The following RHBDD1 variants were observed in gnomAD, a reference collection of about 807,000 sequenced individuals.
RHBDD1 encodes rhomboid-related protein 4.
RHBDD1 carries 38 observed loss-of-function variants against 36.3 expected under a neutral mutation model. That is an observed-to-expected ratio of 1.05 (90% CI 0.81 to 1.37). The LOEUF is 1.37. Ranked by LOEUF, RHBDD1 falls within the 40% of genes most tolerant of loss-of-function variation. The probability of loss-of-function intolerance (pLI) is 0.00; values close to 1 mark genes in which losing one functional copy is unlikely to be tolerated. For synonymous variants in RHBDD1, 151 were observed against 136.5 expected (o/e 1.11, Z -0.74); for missense variants, 393 against 377.6 (o/e 1.04, Z -0.34).
chr2:226,976,302 G>GA (rs1362142159), intron 8 of RHBDD1, among the ~76,000 whole-genome samples: 1 of 147,796 alleles, frequency 6.8e-6, no homozygotes, highest in Admixed American at 6.9e-5. Context: ...CCCCCCTGGA[G>GA]ACACCACTAG....
the RHBDD1 span, among the ~76,000 whole-genome samples, chr2:226,813,368 C>G: frequency 6.6e-6 from 1 of 152,186 alleles, no homozygotes; most frequent in Non-Finnish European, 1.5e-5. Context: ...CAGGACAATG[C>G]CACACAGTTG....
At chr2:226,906,030 C>A (rs1193301451) in intron 5 of RHBDD1, among the ~76,000 whole-genome samples, 2 of 152,098 alleles carry the variant, frequency 1.3e-5, no homozygotes, top group African/African-American at 4.8e-5. Context: ...TTCTTAAACT[C>A]AGGCTGGTTG....
chr2:226,909,971 A>T (rs886094654), intron 7 of RHBDD1, among the ~76,000 whole-genome samples: 3 of 152,196 alleles, frequency 2.0e-5, no homozygotes, highest in African/African-American at 7.2e-5. Context: ...TGGCCATATA[A>T]TCTCTGCTGG....
At chr2:226,956,429 T>G (rs1265977110) in intron 8 of RHBDD1, among the ~76,000 whole-genome samples, 1 of 152,208 alleles carries the variant, frequency 6.6e-6, no homozygotes, top group Admixed American at 6.5e-5. Context: ...CCAGGAGACA[T>G]GCAAGCCTGG....
rs1385771287 is a variant in RHBDD1 at position 226,899,535 on chromosome 2, AAC to A, written c.567-7254_567-7253del. Reference sequence around the variant, plus strand: ...AAGCACATGAGACCTCATGTTGAAAAACACAGCACATCTTAGCAGGTTAAATA... The same window carrying A: ...AAGCACATGAGACCTCATGTTGAAAAACAGCACATCTTAGCAGGTTAAATA... On this transcript the variant is annotated intron_variant, in intron 5 of 8. Transcript: ENST00000392062. Among the ~76,000 whole-genome samples the A allele has an allele frequency of 5.3e-5, 8 of 152,328 alleles. No individual in the cohort carries two copies. The East Asian group carries it at 9.6e-4, about 18-fold the overall frequency.
At chr2:226,848,084 T>C (rs920501383) in intron 3 of RHBDD1, among the ~76,000 whole-genome samples, 2 of 152,204 alleles carry the variant, frequency 1.3e-5, no homozygotes, top group Non-Finnish European at 2.9e-5. Flanking sequence ...AAATTTGAAT[T>C]CTTGTTACTT....
At chr2:226,981,473 TTG>T (rs769225395) in intron 8 of RHBDD1, among the ~76,000 whole-genome samples, 20 of 149,750 alleles carry the variant, frequency 1.3e-4, no homozygotes, top group Non-Finnish European at 2.4e-4. Flanking sequence ...AGTCACAGGA[TTG>T]TCTCCTGCCT....
chr2:226,953,798 A>C (rs897845563), intron 8 of RHBDD1, among the ~76,000 whole-genome samples: 7 of 152,192 alleles, frequency 4.6e-5, no homozygotes, highest in Non-Finnish European at 8.8e-5. Context: ...TTTAAGTTTT[A>C]ATGGGTTCCA....
the RHBDD1 span, chr2:226,804,356 T>C: frequency 3.3e-3 from 500 of 152,344 alleles, 4 homozygotes; most frequent in African/African-American, 0.011. Flanking sequence ...TTAAGAATCA[T>C]TGGCTTAAAC....
chr2:226,969,774 T>C (rs1227347304), intron 8 of RHBDD1, among the ~76,000 whole-genome samples: 2 of 152,226 alleles, frequency 1.3e-5, no homozygotes, highest in Non-Finnish European at 2.9e-5. Flanking sequence ...TGTGATTTCA[T>C]GTTTGAAGTC....
At chr2:226,923,908 G>T (rs752971283) in intron 8 of RHBDD1, among the ~76,000 whole-genome samples, 1 of 152,042 alleles carries the variant, frequency 6.6e-6, no homozygotes, top group Non-Finnish European at 1.5e-5. Flanking sequence ...GGGAAGTGGG[G>T]TCCCCTCTGG....
chr2:226,915,326 G>A (rs1394047242), intron 8 of RHBDD1, among the ~76,000 whole-genome samples: 1 of 152,196 alleles, frequency 6.6e-6, no homozygotes, highest in Admixed American at 6.5e-5. Context: ...ATAGAAGTTA[G>A]GGTCATGTTC....
intron 3 of RHBDD1, among the ~76,000 whole-genome samples, chr2:226,849,559 C>T (rs910911683): frequency 1.3e-5 from 2 of 152,234 alleles, no homozygotes; most frequent in African/African-American, 4.8e-5. Context: ...GGCATTCCAG[C>T]AGGCTTCTAG....
intron 8 of RHBDD1, among the ~76,000 whole-genome samples, chr2:226,951,761 C>T (rs1419689889): frequency 6.6e-5 from 10 of 152,142 alleles, no homozygotes; most frequent in Admixed American, 5.9e-4. Flanking sequence ...AGATACAGCT[C>T]ATGTCAAGAA....
chr2:226,825,617 T>G, the RHBDD1 span, among the ~76,000 whole-genome samples: 2 of 152,322 alleles, frequency 1.3e-5, no homozygotes, highest in South Asian at 4.1e-4. Context: ...TTTTGATAGT[T>G]TAGATAGTTA....
chr2:226,945,552 C>G (rs1368858135), intron 8 of RHBDD1, among the ~76,000 whole-genome samples: 1 of 152,082 alleles, frequency 6.6e-6, no homozygotes. Context: ...CTTTATCCAG[C>G]CTATCGTTGA....
intron 8 of RHBDD1, among the ~76,000 whole-genome samples, chr2:226,979,920 G>A (rs934323745): frequency 1.1e-4 from 16 of 152,162 alleles, no homozygotes; most frequent in African/African-American, 3.9e-4. Context: ...GAGAACAATG[G>A]ACAAATTTGG....
At chr2:226,901,740 A>G (rs1947614125) in intron 5 of RHBDD1, among the ~76,000 whole-genome samples, 1 of 152,220 alleles carries the variant, frequency 6.6e-6, no homozygotes, top group African/African-American at 2.4e-5. Context: ...CCATATATCT[A>G]ATAGGGGACT....
At chr2:226,938,286 G>GT (rs947240363) in intron 8 of RHBDD1, among the ~76,000 whole-genome samples, 1 of 151,766 alleles carries the variant, frequency 6.6e-6, no homozygotes, top group Non-Finnish European at 1.5e-5. Flanking sequence ...TAATGGGGTT[G>GT]TTTTTTTCTT....
Sources: allele counts gnomAD v4.1 joint callset (sites outside exome capture counted in the v4.1 genomes callset), GRCh38; gene constraint gnomAD v4.1.1; transcripts MANE v1.5; gene names NCBI Gene and HGNC (gene_info 2026-07-23, HGNC 2026-07-21).